Variants in SASH1 observed in about 807,000 individuals in gnomAD.
SASH1 encodes the protein SAM and SH3 domain containing 1, also known as SAM and SH3 domain-containing protein 1.
A neutral mutation model predicts 125.2 loss-of-function variants in SASH1; 44 were observed. The ratio of observed to expected loss-of-function variants is 0.35; its 90% CI spans 0.28 to 0.45. The LOEUF (loss-of-function observed/expected upper bound fraction) is 0.45, where lower values mean the gene tolerates loss of function less well. Among genes scored for constraint, SASH1 ranks in the 20% least tolerant of loss-of-function variants. SASH1 has a pLI of 1.00. For synonymous variants in SASH1, 639 were observed against 649.1 expected (o/e 0.98, Z 0.24); for missense variants, 1,426 against 1,614.5 (o/e 0.88, Z 2.00).
At chr6:148,540,125 C>A (rs1035424904) in intron 16 of SASH1, among the ~76,000 whole-genome samples, 1 of 152,176 alleles carries the variant, frequency 6.6e-6, no homozygotes, top group Non-Finnish European at 1.5e-5. Flanking sequence ...GGGAGCCCCA[C>A]TGCCAAAACA....
intron 1 of SASH1, among the ~76,000 whole-genome samples, chr6:148,359,202 A>G (rs1583018423): frequency 6.6e-6 from 1 of 151,716 alleles, no homozygotes; most frequent in African/African-American, 2.4e-5. Flanking sequence ...TCTATTGTCC[A>G]AGCTGAAGTG....
chr6:148,408,995 C>T (rs147529202), intron 2 of SASH1, among the ~76,000 whole-genome samples: 21 of 152,230 alleles, frequency 1.4e-4, no homozygotes, highest in Admixed American at 1.3e-4. Context: ...CTACATTCAC[C>T]TGCTATGCTT....
At chr6:148,248,479 C>G in the SASH1 span, among the ~76,000 whole-genome samples, 16 of 152,184 alleles carry the variant, frequency 1.1e-4, no homozygotes, top group Non-Finnish European at 2.2e-4. Context: ...CATAAGGGTA[C>G]AAGTCCTCAA....
At chr6:148,433,597 G>C (rs1776156111) in intron 2 of SASH1, among the ~76,000 whole-genome samples, 1 of 151,582 alleles carries the variant, frequency 6.6e-6, no homozygotes. Flanking sequence ...GTAGAGACAG[G>C]GTTTCAGTAT....
At position 148,329,778 on chromosome 6, in the gene SASH1, G is replaced by A. The variant is rs929276025; in HGVS notation, n.74+57401G>A. Among the ~76,000 whole-genome samples the A allele has an allele frequency of 7.9e-5, 12 of 152,274 alleles. No homozygotes were observed. The South Asian group carries it at 8.3e-4, about 11-fold the overall frequency. On this transcript the variant is annotated intron_variant and non_coding_transcript_variant, in intron 1 of 3. Coordinates refer to the SASH1 transcript ENST00000367469. ...TTGGTAAGGAGAAGAGTTAGATGGC[G>A]TGAGAAGAAAGATATATGTTTCTGA...
intron 1 of SASH1, among the ~76,000 whole-genome samples, chr6:148,377,682 T>G (rs1015916562): frequency 7.9e-5 from 12 of 152,224 alleles, no homozygotes; most frequent in African/African-American, 2.9e-4. Context: ...AGATCATATT[T>G]AAGGCCCTTC....
At chr6:148,374,935 G>T (rs1029554645) in intron 1 of SASH1, among the ~76,000 whole-genome samples, 26 of 152,110 alleles carry the variant, frequency 1.7e-4, no homozygotes, top group Non-Finnish European at 3.8e-4. Flanking sequence ...GGCCTCAAGT[G>T]ATCTGCCTGC....
rs35856337 is a variant in SASH1 at position 148,408,140 on chromosome 6, C to CTTTTT, written c.285+17894_285+17898dup. The stretch of plus-strand genomic sequence containing the variant: ...ATGTTAGTGATGTTGGGCATCTTTC[C>CTTTTT]TTTTTTTTTTTTTTTTTTTTGAGAC... On this transcript the variant is annotated intron_variant, in intron 2 of 19. Coordinates refer to ENST00000367467, the MANE Select transcript of SASH1 (RefSeq NM_015278.5). 9.2e-5 allele frequency among the ~76,000 whole-genome samples: 11 copies of CTTTTT among 119,238 alleles called. 1 individual carries two copies. Among genetic ancestry groups the CTTTTT allele is most frequent in the East Asian group, 7.2e-4 (3 of 4,184 alleles). 78.2% of individuals were successfully genotyped at this position (119,238 alleles called of 152,430 possible).
chr6:148,213,394 T>C, the SASH1 span, among the ~76,000 whole-genome samples: 4 of 151,930 alleles, frequency 2.6e-5, no homozygotes, highest in Admixed American at 6.6e-5. Flanking sequence ...GTGACAAAAA[T>C]TAATAGCAAA....
intron 10 of SASH1, chr6:148,525,001 C>T (rs1781051610): frequency 5.5e-6 from 2 of 366,890 alleles, no homozygotes; most frequent in African/African-American, 2.1e-5. Flanking sequence ...GAGGGTTTTT[C>T]TTTTGTTTTT....
chr6:148,537,776 C>CTG (rs55644027), intron 16 of SASH1, among the ~76,000 whole-genome samples: 3,614 of 125,520 alleles, frequency 0.029, 77 homozygotes, highest in East Asian at 0.048. Flanking sequence ...TTAGCATATT[C>CTG]TGTGTGTGTG....
chr6:148,280,194 C>T (rs941821617), intron 1 of SASH1: 2 of 151,670 alleles, frequency 1.3e-5, no homozygotes, highest in Non-Finnish European at 2.9e-5. Context: ...GGAACTTACA[C>T]CCTCCCATGA....
At chr6:148,380,939 T>C (rs1434050034) in intron 1 of SASH1, among the ~76,000 whole-genome samples, 1 of 152,260 alleles carries the variant, frequency 6.6e-6, no homozygotes, top group Non-Finnish European at 1.5e-5. Context: ...TTATATTGGA[T>C]ACTTAATACC....
intron 1 of SASH1, among the ~76,000 whole-genome samples, chr6:148,326,349 T>TATATATATATATATATA (rs1554235314): frequency 1.2e-5 from 1 of 86,584 alleles, no homozygotes; most frequent in African/African-American, 4.5e-5. Context: ...TATATATATA[T>TATATATATATATATATA]ATATATATGC....
intron 1 of SASH1, among the ~76,000 whole-genome samples, chr6:148,385,095 G>C (rs574981734): frequency 6.6e-6 from 1 of 152,312 alleles, no homozygotes; most frequent in Admixed American, 6.5e-5. Flanking sequence ...ACTGATGAAA[G>C]TGGTAATTAT....
At chr6:148,264,434 T>C in the SASH1 span, among the ~76,000 whole-genome samples, 1 of 152,246 alleles carries the variant, frequency 6.6e-6, no homozygotes, top group Non-Finnish European at 1.5e-5. Context: ...TTCCAGTCCT[T>C]TCTCTAAACA....
At chr6:148,288,401 C>CT (rs1562307579) in intron 1 of SASH1, among the ~76,000 whole-genome samples, 1 of 152,136 alleles carries the variant, frequency 6.6e-6, no homozygotes, top group African/African-American at 2.4e-5. Flanking sequence ...AAAGAAACAG[C>CT]CCCCAGATGT....
the SASH1 span, among the ~76,000 whole-genome samples, chr6:148,230,413 G>C: frequency 6.6e-6 from 1 of 151,914 alleles, no homozygotes. Flanking sequence ...CCTGGGCTCA[G>C]ATGAGCCTCC....
intron 8 of SASH1, among the ~76,000 whole-genome samples, chr6:148,511,102 C>A (rs1183878787): frequency 6.6e-6 from 1 of 152,046 alleles, no homozygotes; most frequent in Non-Finnish European, 1.5e-5. Context: ...GATTTACTCT[C>A]CAGTTTAGAA....
Sources: allele counts gnomAD v4.1 joint callset (sites outside exome capture counted in the v4.1 genomes callset), GRCh38; gene constraint gnomAD v4.1.1; transcripts MANE v1.5; gene names NCBI Gene and HGNC (gene_info 2026-07-23, HGNC 2026-07-21).